Variants in PPP1R13B observed in about 807,000 individuals in gnomAD.
PPP1R13B encodes apoptosis-stimulating of p53 protein 1.
Under a neutral mutation model 119.8 loss-of-function variants are expected in PPP1R13B, and 44 were observed. That is an observed-to-expected ratio of 0.37 (90% confidence interval 0.29 to 0.47). PPP1R13B has a LOEUF of 0.47. Among genes scored for constraint, PPP1R13B ranks in the 20% least tolerant of loss-of-function variants. PPP1R13B has a pLI of 0.99. For missense variants in PPP1R13B, 1,227 were observed against 1,413.5 expected (o/e 0.87, Z 2.12); for synonymous variants, 542 against 561.5 (o/e 0.97, Z 0.49).
chr14:103,737,494 T>C, intron 15 of PPP1R13B, 200 bp downstream of exon 15: 1 of 572,068 alleles, frequency 1.7e-6, no homozygotes, highest in East Asian at 3.3e-5. Flanking sequence ...GAGGATCAAT[T>C]GAGCCCGGGA....
rs2084495123 is a variant in PPP1R13B at position 103,749,841 on chromosome 14, T to C, written c.922A>G (p.Lys308Glu). Residue 308 changes from lysine to glutamate, a missense_variant, in exon 8 of 17, where the codon AAG becomes GAG. Physicochemically the swap from Lys to Glu is moderately conservative, Grantham distance 56 (BLOSUM62 1). Transcript: ENST00000202556. The part of the protein sequence containing the change: ...KRNMEVAMMD[K>E]RISELRERLY... ...CGTTCACGCAGTTCACTGATTCGCTTGTCCATCATGGCCACCTCCATGTTG... is the reference window on the plus strand; with the variant it reads ...CGTTCACGCAGTTCACTGATTCGCTCGTCCATCATGGCCACCTCCATGTTG... 1.2e-6 allele frequency: 2 copies of C among 1,614,174 alleles called. No homozygotes were observed. The highest frequency in any genetic ancestry group is 2.2e-5 in the East Asian group (1 of 44,888).
chr14:103,825,019 C>A (rs925349801), intron 1 of PPP1R13B, among the ~76,000 whole-genome samples: 1 of 152,180 alleles, frequency 6.6e-6, no homozygotes, highest in African/African-American at 2.4e-5. Context: ...TTTCCAACAG[C>A]ATGTGCTCAC....
At chr14:103,744,056 G>A (rs1329545670) in intron 9 of PPP1R13B, 2 of 152,236 alleles carry the variant, frequency 1.3e-5, no homozygotes, top group Non-Finnish European at 1.5e-5. Context: ...CACGTGGCCT[G>A]GAGGATGTGT....
At chr14:103,747,519 T>C (rs1367241519) in intron 8 of PPP1R13B, 1 of 122,052 alleles carries the variant, frequency 8.2e-6, no homozygotes, top group Non-Finnish European at 2.0e-5. Flanking sequence ...TGAGATTAAC[T>C]TTTTTTTTTT....
Position 103,734,985 on chromosome 14 carries a change from G to C in PPP1R13B, c.*169C>G. 1.3e-6 allele frequency: 1 copy of C among 795,584 alleles called. No homozygotes were observed. The highest frequency in any genetic ancestry group is 2.2e-4 in the Middle Eastern group (1 of 4,526). 49.3% of individuals were successfully genotyped at this position (795,584 alleles called of 1,614,324 possible). A position where few individuals can be genotyped will look rare whatever the true frequency, so the allele number is the denominator to read the frequency against. Reference sequence around the variant, plus strand: ...CCTCTCCCAGTTAATGGGCAAACTGGAGAAAGGGCCTCACCTGGAAACTGT... The same window carrying C: ...CCTCTCCCAGTTAATGGGCAAACTGCAGAAAGGGCCTCACCTGGAAACTGT... On this transcript the variant is annotated 3_prime_UTR_variant, in exon 17 of 17. Coordinates refer to ENST00000202556, the MANE Select transcript of PPP1R13B (RefSeq NM_015316.3).
intron 1 of PPP1R13B, among the ~76,000 whole-genome samples, chr14:103,837,324 G>A (rs1299296843): frequency 6.6e-6 from 1 of 152,126 alleles, no homozygotes; most frequent in East Asian, 1.9e-4. Flanking sequence ...AAGATTTAAG[G>A]ATAACATCTT....
intron 4 of PPP1R13B, among the ~76,000 whole-genome samples, chr14:103,774,946 C>A (rs1795581560): frequency 1.3e-5 from 2 of 152,174 alleles, no homozygotes; most frequent in Admixed American, 6.5e-5. Context: ...CTCATACCTT[C>A]CTCTAATTAC....
chr14:103,788,469 CATGT>C (rs756409906), intron 2 of PPP1R13B, among the ~76,000 whole-genome samples: 13 of 152,144 alleles, frequency 8.5e-5, no homozygotes, highest in Non-Finnish European at 1.8e-4. Context: ...GATACGGATG[CATGT>C]ATGGTTTATT....
rs1184838390 is a variant in PPP1R13B, at chr14:103,734,115, C to T, written c.*1039G>A. ...ACACCTCAGTGAAGCGCCCTCCTTG[C>T]CTTGAGGCTGGGCCTGGGACAAAGG... On this transcript the variant is annotated 3_prime_UTR_variant, in exon 17 of 17. Coordinates refer to ENST00000202556, the MANE Select transcript of PPP1R13B (RefSeq NM_015316.3). 1 of 212,878 alleles carries T rather than the reference C, an allele frequency of 4.7e-6. No homozygotes were observed. The highest frequency in any genetic ancestry group is 2.2e-5 in the African/African-American group (1 of 44,860). The allele number at this position is 212,878 out of a possible 1,614,324, so 13.2% of individuals were successfully genotyped here. A position where few individuals can be genotyped will look rare whatever the true frequency, so the allele number is the denominator to read the frequency against.
intron 2 of PPP1R13B, among the ~76,000 whole-genome samples, chr14:103,794,948 T>G (rs2085722758): frequency 6.6e-6 from 1 of 152,052 alleles, no homozygotes; most frequent in Non-Finnish European, 1.5e-5. Flanking sequence ...TACATTATGT[T>G]TGTTTGTTTT....
chr14:103,737,404 A>G (rs1226235893), intron 15 of PPP1R13B: 1 of 257,806 alleles, frequency 3.9e-6, no homozygotes, highest in Non-Finnish European at 7.4e-6. Context: ...GTCTCTACAA[A>G]AAAAAAAAAA....
intron 2 of PPP1R13B, among the ~76,000 whole-genome samples, chr14:103,796,305 A>G (rs571460981): frequency 1.3e-5 from 2 of 152,188 alleles, no homozygotes; most frequent in African/African-American, 4.8e-5. Context: ...ATAAATAAAT[A>G]GGCAAAGGAA....
chr14:103,799,562 CT>C (rs2085847468), intron 1 of PPP1R13B, among the ~76,000 whole-genome samples: 1 of 151,676 alleles, frequency 6.6e-6, no homozygotes, highest in Admixed American at 6.6e-5. Flanking sequence ...ATCCGCCTGC[CT>C]TGGCCTCCCA....
intron 1 of PPP1R13B, among the ~76,000 whole-genome samples, chr14:103,828,892 A>C (rs1005892875): frequency 2.0e-5 from 3 of 152,348 alleles, no homozygotes; most frequent in Non-Finnish European, 2.9e-5. Flanking sequence ...ATGCGTCTTC[A>C]TTCTATAAGG....
chr14:103,791,553 C>T (rs1048013273), intron 2 of PPP1R13B, among the ~76,000 whole-genome samples: 1 of 152,058 alleles, frequency 6.6e-6, no homozygotes, highest in Non-Finnish European at 1.5e-5. Context: ...GGTGAAATCC[C>T]GTCTCTACTA....
chr14:103,820,121 A>G (rs2086372373), intron 1 of PPP1R13B, among the ~76,000 whole-genome samples: 1 of 152,168 alleles, frequency 6.6e-6, no homozygotes, highest in African/African-American at 2.4e-5. Context: ...GCCAGCAACA[A>G]TCAGGCTTCA....
At chr14:103,775,788 C>T (rs1284551895) in intron 4 of PPP1R13B, among the ~76,000 whole-genome samples, 2 of 152,090 alleles carry the variant, frequency 1.3e-5, no homozygotes, top group East Asian at 3.9e-4. Context: ...GAAGCAGATC[C>T]GCCTGGAAGA....
intron 4 of PPP1R13B, among the ~76,000 whole-genome samples, chr14:103,767,386 TTGTATCACCA>T (rs1247855329): frequency 6.6e-6 from 1 of 152,028 alleles, no homozygotes; most frequent in Admixed American, 6.6e-5. Context: ...CCTTTTCTGC[TTGTATCACCA>T]TACCCTTGAA....
In PPP1R13B at chr14:103,735,085, A is replaced by G. The variant is rs1410554297; in HGVS notation, c.*69T>C. On this transcript the variant is annotated 3_prime_UTR_variant, in exon 17 of 17. Transcript: ENST00000202556. Reference sequence around the variant, plus strand: ...ATTTTCTAGCTGCAGCTTTCCTGGAAAACAGCACAATAATCTCTTAAGTGG... The same window carrying G: ...ATTTTCTAGCTGCAGCTTTCCTGGAGAACAGCACAATAATCTCTTAAGTGG... 6.4e-7 allele frequency: 1 copy of G among 1,569,388 alleles called. No individual in the cohort carries two copies. The highest frequency in any genetic ancestry group is 8.8e-7 in the Non-Finnish European group (1 of 1,139,462).
Sources: gnomAD v4.1 joint callset for allele counts (sites outside exome capture counted in the v4.1 genomes callset) on GRCh38, gnomAD v4.1.1 for gene constraint, MANE v1.5 for transcripts, NCBI Gene and HGNC (gene_info 2026-07-23, HGNC 2026-07-21) for gene names.